ATP5MC1: variants seen among roughly 807,000 people sequenced by gnomAD.
ATP5MC1 encodes ATP synthase F(0) complex subunit C1, mitochondrial.
In ATP5MC1, 4 loss-of-function variants were observed where a neutral mutation model predicts 12.1. The ratio of observed to expected loss-of-function variants is 0.33; its 90% CI spans 0.16 to 0.76. The LOEUF is 0.76. ATP5MC1 is among the 30% of genes least tolerant of loss of function. The pLI is 0.61. For synonymous variants in ATP5MC1, 52 were observed against 66.0 expected (o/e 0.79, Z 1.03); for missense variants, 117 against 172.1 (o/e 0.68, Z 1.79).
rs755022299 is a variant in ATP5MC1, at chr17:48,895,761, G to A, written c.403G>A (p.Ala135Thr). The A allele has an allele frequency of 8.0e-5, 123 of 1,530,102 alleles. No individual in the cohort carries two copies. In the East Asian group the frequency reaches 2.0e-3, roughly 25 times the overall value. The allele number at this position is 1,530,102 out of a possible 1,614,324, so 94.8% of individuals were successfully genotyped here. The change falls in exon 5 of 5, where the codon GCC becomes ACC. Residue 135 changes from alanine to threonine, a missense_variant. By Grantham distance (58) the Ala-to-Thr change is moderately conservative. Transcript: ENST00000393366. ...GATGGTCGCCTTCCTCATCCTCTTCGCCATGTGAGGCTCCATGGGGGGGTC... is the reference window on the plus strand; with the variant it reads ...GATGGTCGCCTTCCTCATCCTCTTCACCATGTGAGGCTCCATGGGGGGGTC... The part of the protein sequence containing the change: ...CLMVAFLILF[A>T]M
At chr17:48,893,491 G>C (rs750374459) in intron 2 of ATP5MC1, 35 bp downstream of exon 2, 5 of 1,611,094 alleles carry the variant, frequency 3.1e-6, no homozygotes, top group Admixed American at 1.7e-5. Context: ...TGTAGTACCA[G>C]GTGTATGGTG....
At chr17:48,894,018 A>G (rs1346918637) in intron 2 of ATP5MC1, 2 of 246,442 alleles carry the variant, frequency 8.1e-6, no homozygotes, top group Non-Finnish European at 1.6e-5. Flanking sequence ...GTATTTTAGC[A>G]GAATAAAATT....
In ATP5MC1 at chr17:48,895,544, G is replaced by A. The variant is rs2040564957; in HGVS notation, c.297-111G>A. Reference sequence around the variant, plus strand: ...ATCCAAATCCCCAGGATCTGTGCAGGCTAGGCCCTCTCCCAGGAGTAACAG... The same window carrying A: ...ATCCAAATCCCCAGGATCTGTGCAGACTAGGCCCTCTCCCAGGAGTAACAG... On this transcript the variant is annotated intron_variant, in intron 4 of 4. Coordinates refer to ENST00000393366, the MANE Select transcript of ATP5MC1 (RefSeq NM_005175.3). 4 of 1,311,176 alleles carry A rather than the reference G, an allele frequency of 3.1e-6. No individual in the cohort carries two copies. In the South Asian group the frequency reaches 3.7e-5, roughly 12 times the overall value. The allele number at this position is 1,311,176 out of a possible 1,614,324, so 81.2% of individuals were successfully genotyped here.
chr17:48,894,662 C>T (rs983323218), intron 3 of ATP5MC1: 1 of 533,682 alleles, frequency 1.9e-6, no homozygotes, highest in Non-Finnish European at 3.4e-6. Context: ...CCCAGTTACT[C>T]CAGGGCTGAG....
At chr17:48,893,775 C>T (rs1011125551) in intron 2 of ATP5MC1, 2 of 456,666 alleles carry the variant, frequency 4.4e-6, no homozygotes, top group Middle Eastern at 5.9e-4. Flanking sequence ...ATCCTGATGC[C>T]TAGGCTGCAC....
At position 48,894,387 on chromosome 17, in the gene ATP5MC1, AG is replaced by A. The variant is rs777869807; in HGVS notation, c.59del (p.Gly20ValfsTer2). On this transcript the variant is annotated frameshift_variant, in exon 3 of 5. Coordinates refer to ENST00000393366, the MANE Select transcript of ATP5MC1 (RefSeq NM_005175.3). LOFTEE classifies it high-confidence loss of function. ...GATTTTACAGATCCGCTGTTGTACC[AG>A]GGGTCTAATCAGGCCTGTGTCTGCC... The part of the protein sequence containing the change: ...ISPALIRCCT[R>X]GLIRPVSASF... 6 of 1,613,990 alleles carry A rather than the reference AG, an allele frequency of 3.7e-6. No homozygotes were observed. The highest frequency in any genetic ancestry group is 5.1e-6 in the Non-Finnish European group (6 of 1,179,980).
At position 48,895,817 on chromosome 17, in the gene ATP5MC1, A is replaced by C. The variant is rs745371305; in HGVS notation, c.*48A>C. 2.0e-5 allele frequency: 30 copies of C among 1,507,854 alleles called. No homozygotes were observed. Among genetic ancestry groups the C allele is most frequent in the Non-Finnish European group, 2.7e-5 (29 of 1,086,924 alleles). The allele number at this position is 1,507,854 out of a possible 1,614,324, so 93.4% of individuals were successfully genotyped here. ...CCTGTTGCTACTGCAACTCCACACC[A>C]TTCTTGGTGCTGGGGTGTGTTAAGC... is the stretch of plus-strand genomic sequence containing the variant. On this transcript the variant is annotated 3_prime_UTR_variant, in exon 5 of 5. Coordinates refer to ENST00000393366, the MANE Select transcript of ATP5MC1 (RefSeq NM_005175.3).
chr17:48,894,474 G>A (rs759456777), intron 3 of ATP5MC1, 25 bp downstream of exon 3: 7 of 1,607,790 alleles, frequency 4.4e-6, no homozygotes, highest in Non-Finnish European at 6.0e-6. Flanking sequence ...GCTCTCTTAG[G>A]AATGTTCCCA....
intron 3 of ATP5MC1, 49 bp from the exon 4 acceptor site, chr17:48,895,107 A>G: frequency 6.5e-7 from 1 of 1,547,258 alleles, no homozygotes. Flanking sequence ...ACCTGTCCTT[A>G]TGCCATACTA....
chr17:48,894,367 T>C lies in ATP5MC1; in HGVS notation c.40-5T>C, dbSNP rs752301557. 1 of 1,613,954 alleles carries C rather than the reference T, an allele frequency of 6.2e-7. No homozygotes were observed. Among genetic ancestry groups the C allele is most frequent in the Non-Finnish European group, 8.5e-7 (1 of 1,179,928 alleles). On this transcript the variant is annotated splice_region_variant and splice_polypyrimidine_tract_variant and intron_variant, in intron 2 of 4. Transcript: ENST00000393366. ...TTGGTAGGATGTGGCTTTCTGATTT[T>C]ACAGATCCGCTGTTGTACCAGGGGT...
rs2040554287 is a variant in ATP5MC1, at chr17:48,894,390, G to A, written c.58G>A (p.Gly20Ser). The change falls in exon 3 of 5, where the codon GGT (glycine) becomes AGT (serine). Residue 20 changes from glycine (G) to serine (S), a missense_variant. Transcript: ENST00000393366. ...TTTACAGATCCGCTGTTGTACCAGG[G>A]GTCTAATCAGGCCTGTGTCTGCCTC... Reference protein sequence around the residue: ...SPALIRCCTRGLIRPVSASFL... With the variant: ...SPALIRCCTRSLIRPVSASFL... 1.2e-6 allele frequency: 2 copies of A among 1,614,010 alleles called. No individual in the cohort carries two copies. Among genetic ancestry groups the A allele is most frequent in the Non-Finnish European group, 1.7e-6 (2 of 1,179,992 alleles).
intron 2 of ATP5MC1, chr17:48,894,110 C>G: frequency 2.4e-6 from 1 of 419,586 alleles, no homozygotes; most frequent in Non-Finnish European, 4.4e-6. Flanking sequence ...TTGTTCCATT[C>G]TGAGAAGCTG....
Position 48,894,398 on chromosome 17 carries a change from C to G in ATP5MC1, c.66C>G (p.Ile22Met), listed in dbSNP as rs780692172. 8.1e-6 allele frequency: 13 copies of G among 1,613,884 alleles called. No individual in the cohort carries two copies. The highest frequency in any genetic ancestry group is 1.1e-5 in the Non-Finnish European group (13 of 1,180,000). ...TCCGCTGTTGTACCAGGGGTCTAAT[C>G]AGGCCTGTGTCTGCCTCCTTCTTGA... Reference protein sequence around the residue: ...ALIRCCTRGLIRPVSASFLNS... With the variant: ...ALIRCCTRGLMRPVSASFLNS... The change falls in exon 3 of 5, where the codon ATC becomes ATG. Residue 22 changes from isoleucine (I) to methionine (M), a missense_variant. Physicochemically the swap from Ile to Met is conservative, Grantham distance 10 (BLOSUM62 1). Coordinates refer to ENST00000393366, the MANE Select transcript of ATP5MC1 (RefSeq NM_005175.3).
intron 2 of ATP5MC1, 49 bp downstream of exon 2, chr17:48,893,505 A>C (rs1200987232): frequency 6.2e-7 from 1 of 1,604,458 alleles, no homozygotes; most frequent in Admixed American, 1.7e-5. Context: ...TATGGTGTGG[A>C]CGCCATCAGT....
intron 2 of ATP5MC1, chr17:48,894,142 G>T: frequency 2.0e-6 from 1 of 488,084 alleles, no homozygotes; most frequent in South Asian, 2.1e-5. Context: ...GCCCAAAGAA[G>T]TGAACTTTGG....
intron 3 of ATP5MC1, 164 bp downstream of exon 3, chr17:48,894,613 TA>T: frequency 1.6e-6 from 1 of 638,304 alleles, no homozygotes; most frequent in Non-Finnish European, 2.7e-6. Context: ...ACAAAAAAAA[TA>T]AAAAAATTAG....
chr17:48,895,064 CAGGT>C (rs2040559084), intron 3 of ATP5MC1, 88 bp from the exon 4 acceptor site: 2 of 1,460,604 alleles, frequency 1.4e-6, no homozygotes, highest in Non-Finnish European at 9.4e-7. Flanking sequence ...TTTCAGAGCT[CAGGT>C]GGGTGGGGTG....
chr17:48,895,782 G>T lies in ATP5MC1; in HGVS notation c.*13G>T. The T allele has an allele frequency of 6.2e-7, 1 of 1,604,130 alleles. No homozygotes were observed. The highest frequency in any genetic ancestry group is 8.5e-7 in the Non-Finnish European group (1 of 1,171,756). Reference sequence around the variant, plus strand: ...CTTCGCCATGTGAGGCTCCATGGGGGGGTCACCGGCCTGTTGCTACTGCAA... The same window carrying T: ...CTTCGCCATGTGAGGCTCCATGGGGTGGTCACCGGCCTGTTGCTACTGCAA... On this transcript the variant is annotated 3_prime_UTR_variant, in exon 5 of 5. Coordinates refer to ENST00000393366, the MANE Select transcript of ATP5MC1 (RefSeq NM_005175.3).
chr17:48,895,404 G>A, intron 4 of ATP5MC1, 70 bp downstream of exon 4: 16 of 1,525,320 alleles, frequency 1.0e-5, no homozygotes, highest in Non-Finnish European at 1.4e-5. Context: ...TCAGCTGGAG[G>A]AGCTCCCTTC....
Sources: allele counts gnomAD v4.1 joint callset, GRCh38; gene constraint gnomAD v4.1.1; transcripts MANE v1.5; gene names NCBI Gene and HGNC (gene_info 2026-07-23, HGNC 2026-07-21).